Variants in DRAXIN observed in about 807,000 individuals in gnomAD.
DRAXIN encodes dorsal repulsive axon guidance protein.
Under a neutral mutation model 33.9 loss-of-function variants are expected in DRAXIN, and 27 were observed. That is an observed-to-expected ratio of 0.80 (90% confidence interval 0.59 to 1.10). DRAXIN has a LOEUF of 1.10. Ranked by LOEUF, DRAXIN falls within the 50% of genes least tolerant of loss-of-function variation. The probability of loss-of-function intolerance (pLI) is 0.00; values close to 1 mark genes in which losing one functional copy is unlikely to be tolerated. For missense variants in DRAXIN, 371 were observed against 460.8 expected, an observed-to-expected ratio of 0.81 and a Z score of 1.78; for synonymous variants, 178 against 194.0, an observed-to-expected ratio of 0.92 and a Z score of 0.69.
At chr1:11,713,266 C>T (rs1641525840) in intron 5 of DRAXIN, among the ~76,000 whole-genome samples, 1 of 152,282 alleles carries the variant, frequency 6.6e-6, no homozygotes, top group Non-Finnish European at 1.5e-5. Context: ...CCCAGAGAGG[C>T]TGTCTTGCCC....
intron 1 of DRAXIN, among the ~76,000 whole-genome samples, chr1:11,693,786 T>C (rs1312619720): frequency 2.0e-5 from 3 of 152,150 alleles, no homozygotes; most frequent in Non-Finnish European, 4.4e-5. Flanking sequence ...CTCTCTGCTC[T>C]CTCCGCTGCC....
rs202198801 is a variant in DRAXIN at position 11,723,589 on chromosome 1, C to CT, written c.*3908dup. The CT allele has an allele frequency of 0.012, 1,697 of 143,088 alleles. 28 individuals carry two copies. Among genetic ancestry groups the CT allele is most frequent in the African/African-American group, 0.036 (1,401 of 39,032 alleles). The allele number at this position is 143,088 out of a possible 1,614,324, so 8.9% of individuals were successfully genotyped here. ...TGTTGTGAGTAGTGAATGCATACTT[C>CT]TTTTTTTTTTTTTTTCTTTTGAGAC... On this transcript the variant is annotated 3_prime_UTR_variant, in exon 7 of 7. Transcript: ENST00000294485.
chr1:11,707,058 G>A (rs369772198), intron 2 of DRAXIN, among the ~76,000 whole-genome samples: 2 of 152,104 alleles, frequency 1.3e-5, no homozygotes, highest in East Asian at 3.9e-4. Flanking sequence ...AAAATTAGCC[G>A]GGCGCGATGG....
Position 11,702,441 on chromosome 1 carries a change from C to T in DRAXIN, c.-10-3808C>T, listed in dbSNP as rs532557406. Among the ~76,000 whole-genome samples, 79 of 151,358 alleles carry T rather than the reference C, an allele frequency of 5.2e-4. 1 individual carries two copies. The South Asian group carries it at 0.01, about 20-fold the overall frequency. On this transcript the variant is annotated intron_variant, in intron 1 of 6. Coordinates refer to ENST00000294485, the MANE Select transcript of DRAXIN (RefSeq NM_198545.4). ...TGTTCACACACACATGCTAACACTC[C>T]TACACACTCACAACACACATACATA...
chr1:11,708,777 G>A (rs1279689413), intron 2 of DRAXIN, among the ~76,000 whole-genome samples: 2 of 152,200 alleles, frequency 1.3e-5, no homozygotes, highest in East Asian at 3.9e-4. Context: ...CACAGCAGGT[G>A]CTCCATTAAT....
chr1:11,696,016 C>A lies in DRAXIN; in HGVS notation c.-11+4163C>A, dbSNP rs1641185464. 6.6e-6 allele frequency among the ~76,000 whole-genome samples: 1 copy of A among 152,222 alleles called. No individual in the cohort carries two copies. Among genetic ancestry groups the A allele is most frequent in the African/African-American group, 2.4e-5 (1 of 41,450 alleles). The stretch of plus-strand genomic sequence containing the variant: ...GAAACAATAAAAGCAGATGGAGCTG[C>A]CCCTGCAGGGAAGCCAAACCTCATT... On this transcript the variant is annotated intron_variant, in intron 1 of 6. Coordinates refer to ENST00000294485, the MANE Select transcript of DRAXIN (RefSeq NM_198545.4). This position sits in a 1 kb window ranked among gnomAD's most constrained non-coding sequence, Gnocchi z 4.7.
At chr1:11,717,446 G>C (rs925163157) in intron 6 of DRAXIN, among the ~76,000 whole-genome samples, 4 of 143,112 alleles carry the variant, frequency 2.8e-5, no homozygotes, top group African/African-American at 1.0e-4. Flanking sequence ...GGCAGATCAT[G>C]AGGTCAGGAG....
rs577440069 is a variant in DRAXIN at position 11,709,407 on chromosome 1, A to T, written c.584A>T (p.Glu195Val). Residue 195 changes from glutamate (E) to valine (V), a missense_variant, in exon 3 of 7, where the codon GAG becomes GTG. Coordinates refer to ENST00000294485, the MANE Select transcript of DRAXIN (RefSeq NM_198545.4). ...ACCATGTTCTTTCTCACCACCTTTGAGGCAGCACCTGCCACAGAAGAGTCC... is the reference window on the plus strand; with the variant it reads ...ACCATGTTCTTTCTCACCACCTTTGTGGCAGCACCTGCCACAGAAGAGTCC... Reference protein sequence around the residue: ...APTMFFLTTFEAAPATEESLI... With the variant: ...APTMFFLTTFVAAPATEESLI... 1 of 1,614,006 alleles carries T rather than the reference A, an allele frequency of 6.2e-7. No individual in the cohort carries two copies. The highest frequency in any genetic ancestry group is 1.3e-5 in the African/African-American group (1 of 75,048).
rs1472298935 is a variant in DRAXIN at position 11,706,458 on chromosome 1, G to A, written c.200G>A (p.Trp67Ter). The change falls in exon 2 of 7, where the codon TGG becomes TAG. Residue 67 changes from tryptophan (W) to a stop codon, truncating the protein, a stop_gained. Transcript: ENST00000294485. LOFTEE classifies it high-confidence loss of function. This position sits in a 1 kb window ranked among gnomAD's most constrained non-coding sequence, Gnocchi z 5.5. ...HRRRGPGKKE[W>*]GPGLPSQAQD... ...CGGCGGGGCCCGGGCAAGAAGGAGT[G>A]GGGCCCAGGCCTGCCCAGCCAGGCC... The A allele has an allele frequency of 1.9e-6, 3 of 1,610,998 alleles. No individual in the cohort carries two copies. The highest frequency in any genetic ancestry group is 2.5e-6 in the Non-Finnish European group (3 of 1,179,142).
intron 6 of DRAXIN, among the ~76,000 whole-genome samples, chr1:11,717,687 A>G (rs1641598155): frequency 6.6e-6 from 1 of 150,434 alleles, no homozygotes; most frequent in African/African-American, 2.5e-5. Context: ...AAGGGTAGAC[A>G]GAAGTGGGCA....
rs1331829583 is a variant in DRAXIN at position 11,704,011 on chromosome 1, G to A, written c.-10-2238G>A. On this transcript the variant is annotated intron_variant, in intron 1 of 6. Coordinates refer to ENST00000294485, the MANE Select transcript of DRAXIN (RefSeq NM_198545.4). This position sits in a 1 kb window ranked among gnomAD's most constrained non-coding sequence, Gnocchi z 4.6. ...ACCTAGGCTGCTCACCAGGCTCAGA[G>A]GCGGCTCTGAGGTTTACTGACAGCC... Among the ~76,000 whole-genome samples the A allele has an allele frequency of 6.6e-6, 1 of 152,194 alleles. No homozygotes were observed. Among genetic ancestry groups the A allele is most frequent in the Non-Finnish European group, 1.5e-5 (1 of 68,028 alleles).
intron 1 of DRAXIN, among the ~76,000 whole-genome samples, chr1:11,693,105 G>A (rs368453096): frequency 2.6e-5 from 4 of 152,014 alleles, no homozygotes; most frequent in African/African-American, 9.6e-5. Flanking sequence ...TCACCTCCTC[G>A]TGCCCATACA....
At chr1:11,699,494 TA>T (rs1269517457) in intron 1 of DRAXIN, among the ~76,000 whole-genome samples, 10 of 152,272 alleles carry the variant, frequency 6.6e-5, no homozygotes, top group African/African-American at 1.2e-4. Flanking sequence ...TAATTTTTGT[TA>T]AAAAAATTTT....
In DRAXIN at chr1:11,718,884, A is replaced by ATTTGTTTGTTTG. The variant is rs373195409; in HGVS notation, c.938-680_938-669dup. On this transcript the variant is annotated intron_variant, in intron 6 of 6. Transcript: ENST00000294485. ...ATAACATCTTGCAATCATGTGGTAG[A>ATTTGTTTGTTTG]TTTGTTTGTTTGTTTGTTTGTTTGT... Among the ~76,000 whole-genome samples, 216 of 151,786 alleles carry ATTTGTTTGTTTG rather than the reference A, an allele frequency of 1.4e-3. 1 individual carries two copies. Among genetic ancestry groups the ATTTGTTTGTTTG allele is most frequent in the African/African-American group, 5.0e-3 (206 of 41,298 alleles).
chr1:11,709,412 G>A lies in DRAXIN; in HGVS notation c.589G>A (p.Ala197Thr), dbSNP rs774027630. The A allele has an allele frequency of 1.2e-5, 19 of 1,613,656 alleles. No homozygotes were observed. The highest frequency in any genetic ancestry group is 2.5e-6 in the Non-Finnish European group (3 of 1,179,928). ...TMFFLTTFEA[A>T]PATEESLILP... ...GTTCTTTCTCACCACCTTTGAGGCA[G>A]CACCTGCCACAGAAGAGTCCCTGAT... The change falls in exon 3 of 7, where the codon GCA (alanine) becomes ACA (threonine). Residue 197 changes from alanine to threonine, a missense_variant. Transcript: ENST00000294485.
In DRAXIN at chr1:11,694,649, G is replaced by A. The variant is rs1385191467; in HGVS notation, c.-11+2796G>A. 6.6e-6 allele frequency among the ~76,000 whole-genome samples: 1 copy of A among 151,880 alleles called. No homozygotes were observed. Among genetic ancestry groups the A allele is most frequent in the Non-Finnish European group, 1.5e-5 (1 of 67,938 alleles). ...CCCTCAGAGGCATGAGCATGTTCCT[G>A]GGGGGCAGGTCATAGGAGCACCCCT... On this transcript the variant is annotated intron_variant, in intron 1 of 6. Coordinates refer to ENST00000294485, the MANE Select transcript of DRAXIN (RefSeq NM_198545.4). This position sits in a 1 kb window ranked among gnomAD's most constrained non-coding sequence, Gnocchi z 4.9.
At position 11,705,230 on chromosome 1, in the gene DRAXIN, G is replaced by C. The variant is rs1044914855; in HGVS notation, c.-10-1019G>C. ...ATTAGCCTGGCTAACCTAGTGCCTA[G>C]CTCCAGGATACAGTGAGGTTGGTGC... On this transcript the variant is annotated intron_variant, in intron 1 of 6. Transcript: ENST00000294485. The surrounding 1 kb of genome is among the most constrained non-coding windows in gnomAD (Gnocchi z 4.8). 6.6e-6 allele frequency among the ~76,000 whole-genome samples: 1 copy of C among 152,202 alleles called. No individual in the cohort carries two copies. The highest frequency in any genetic ancestry group is 1.5e-5 in the Non-Finnish European group (1 of 68,038).
chr1:11,713,897 G>A (rs1337575695), intron 5 of DRAXIN, among the ~76,000 whole-genome samples: 2 of 152,164 alleles, frequency 1.3e-5, no homozygotes, highest in Admixed American at 6.5e-5. Context: ...GCCGGGCATG[G>A]TGGCAGGTGC....
intron 1 of DRAXIN, among the ~76,000 whole-genome samples, chr1:11,703,323 G>C (rs1173681002): frequency 1.3e-5 from 2 of 152,198 alleles, no homozygotes; most frequent in African/African-American, 4.8e-5. Flanking sequence ...GGGACATTTG[G>C]GTTGAGTCCC....
Sources: allele counts gnomAD v4.1 joint callset (sites outside exome capture counted in the v4.1 genomes callset), GRCh38; gene constraint gnomAD v4.1.1; non-coding constraint Gnocchi (gnomAD v3.1); transcripts MANE v1.5; gene names NCBI Gene and HGNC (gene_info 2026-07-23, HGNC 2026-07-21).